The following PLXDC2 variants were observed in gnomAD, a reference collection of about 807,000 sequenced individuals.
PLXDC2 encodes the protein plexin domain-containing protein 2.
PLXDC2 carries 40 observed loss-of-function variants against 68.9 expected under a neutral mutation model. That is an observed-to-expected ratio of 0.58 (90% confidence interval 0.45 to 0.76). The LOEUF is 0.76. Ranked by LOEUF, PLXDC2 falls within the 30% of genes least tolerant of loss-of-function variation. The pLI, the probability that PLXDC2 is intolerant of heterozygous loss-of-function variation, is 0.00. For missense variants in PLXDC2, 644 were observed against 661.9 expected, an observed-to-expected ratio of 0.97 and a Z score of 0.30; for synonymous variants, 243 against 234.2, an observed-to-expected ratio of 1.04 and a Z score of -0.34.
chr10:20,000,078 T>C (rs1255966378), intron 1 of PLXDC2, among the ~76,000 whole-genome samples: 1 of 152,166 alleles, frequency 6.6e-6, no homozygotes, highest in Non-Finnish European at 1.5e-5. Context: ...TGTCAACAAT[T>C]CATTCGTCCA....
chr10:20,114,020 A>G (rs1313977590), intron 4 of PLXDC2, among the ~76,000 whole-genome samples: 1 of 152,178 alleles, frequency 6.6e-6, no homozygotes, highest in Non-Finnish European at 1.5e-5. Context: ...GCTACTCAGG[A>G]GGCTGAGGCA....
At chr10:19,894,764 A>G (rs961870873) in intron 1 of PLXDC2, among the ~76,000 whole-genome samples, 4 of 152,186 alleles carry the variant, frequency 2.6e-5, no homozygotes, top group African/African-American at 9.7e-5. Flanking sequence ...GGAGATCATT[A>G]AAAAGTCAGG....
intron 1 of PLXDC2, among the ~76,000 whole-genome samples, chr10:19,930,740 G>T (rs1195441863): frequency 6.6e-6 from 1 of 152,074 alleles, no homozygotes; most frequent in Admixed American, 6.6e-5. Context: ...AGGTGGGTGG[G>T]TCACCTGAGG....
At chr10:19,841,207 T>G (rs1362230468) in intron 1 of PLXDC2, among the ~76,000 whole-genome samples, 1 of 152,198 alleles carries the variant, frequency 6.6e-6, no homozygotes, top group Non-Finnish European at 1.5e-5. Flanking sequence ...TTTCTTAGAT[T>G]TGTTTTTATT....
rs2210492 is a variant in PLXDC2 at position 20,256,520 on chromosome 10, A to G, written c.1473+11015A>G. On this transcript the variant is annotated intron_variant, in intron 13 of 13. Coordinates refer to ENST00000377252, the MANE Select transcript of PLXDC2 (RefSeq NM_032812.9). The stretch of plus-strand genomic sequence containing the variant: ...GAGAAATGATATTTGCTTCGTAAAA[A>G]GAAGAAAATACTTTCTTTTACAAAA... Among the ~76,000 whole-genome samples the G allele has an allele frequency of 7.7e-4, 117 of 152,292 alleles. 1 individual carries two copies. Among genetic ancestry groups the G allele is most frequent in the Non-Finnish European group, 1.3e-3 (89 of 68,020 alleles).
At chr10:19,840,089 A>C (rs950411933) in intron 1 of PLXDC2, among the ~76,000 whole-genome samples, 3 of 152,168 alleles carry the variant, frequency 2.0e-5, no homozygotes, top group African/African-American at 7.2e-5. Flanking sequence ...TGATGCACTG[A>C]TGTCCTGTAG....
chr10:20,227,186 G>C (rs1419870832), intron 12 of PLXDC2, among the ~76,000 whole-genome samples: 1 of 152,054 alleles, frequency 6.6e-6, no homozygotes, highest in Non-Finnish European at 1.5e-5. Flanking sequence ...CAGGCCCATT[G>C]TTAGGTGATG....
chr10:19,884,008 T>C (rs563542282), intron 1 of PLXDC2, among the ~76,000 whole-genome samples: 109 of 147,770 alleles, frequency 7.4e-4, no homozygotes, highest in African/African-American at 2.6e-3. Flanking sequence ...GGTGATCCTC[T>C]CAGCCTCCAT....
chr10:20,144,133 T>G (rs1260555821), intron 5 of PLXDC2, among the ~76,000 whole-genome samples: 3 of 152,180 alleles, frequency 2.0e-5, no homozygotes. Context: ...AAATAAATTA[T>G]AGGTAACAAA....
intron 4 of PLXDC2, among the ~76,000 whole-genome samples, chr10:20,121,815 G>A (rs1833701022): frequency 6.6e-6 from 1 of 152,174 alleles, no homozygotes; most frequent in Admixed American, 6.5e-5. Flanking sequence ...TGGGGGAATT[G>A]TAAGGAGAGT....
At chr10:20,227,037 G>A (rs1223629536) in intron 12 of PLXDC2, among the ~76,000 whole-genome samples, 1 of 152,012 alleles carries the variant, frequency 6.6e-6, no homozygotes, top group Non-Finnish European at 1.5e-5. Context: ...TTTTTTAAAC[G>A]TGAAATGTCT....
intron 1 of PLXDC2, among the ~76,000 whole-genome samples, chr10:19,983,999 A>C (rs990712095): frequency 1.1e-4 from 16 of 152,214 alleles, no homozygotes; most frequent in Non-Finnish European, 2.1e-4. Context: ...CGTCAGTTTA[A>C]ATGTGTTACT....
intron 12 of PLXDC2, among the ~76,000 whole-genome samples, chr10:20,220,877 T>C (rs868388393): frequency 5.3e-4 from 79 of 149,848 alleles, no homozygotes; most frequent in African/African-American, 1.7e-3. Context: ...GTTTCACTTG[T>C]TGTTGCCCAG....
chr10:20,255,879 T>C (rs979005974), intron 13 of PLXDC2, among the ~76,000 whole-genome samples: 2 of 152,118 alleles, frequency 1.3e-5, no homozygotes, highest in African/African-American at 2.4e-5. Flanking sequence ...TATGATCTTG[T>C]GGTAATCCCT....
At chr10:19,875,955 AT>A (rs1330762286) in intron 1 of PLXDC2, among the ~76,000 whole-genome samples, 1 of 152,020 alleles carries the variant, frequency 6.6e-6, no homozygotes, top group Non-Finnish European at 1.5e-5. Flanking sequence ...TATTTCTGAA[AT>A]TTTTGTAACA....
intron 12 of PLXDC2, among the ~76,000 whole-genome samples, chr10:20,234,841 C>T (rs1588534424): frequency 1.3e-5 from 2 of 152,014 alleles, no homozygotes; most frequent in African/African-American, 4.8e-5. Flanking sequence ...GGTTCCAGTA[C>T]TGAGGCACTC....
intron 9 of PLXDC2, among the ~76,000 whole-genome samples, chr10:20,211,338 T>A (rs1588519865): frequency 6.6e-6 from 1 of 152,172 alleles, no homozygotes; most frequent in African/African-American, 2.4e-5. Context: ...AGAAAAAAAA[T>A]ACAAGGTAAA....
At chr10:20,118,920 CTTT>C (rs34396697) in intron 4 of PLXDC2, among the ~76,000 whole-genome samples, 9 of 139,918 alleles carry the variant, frequency 6.4e-5, no homozygotes, top group East Asian at 2.0e-4. Flanking sequence ...ACATTGAAGC[CTTT>C]TTTTTTTTTT....
chr10:20,275,593 A>G (rs1008411759), intron 13 of PLXDC2, among the ~76,000 whole-genome samples: 6 of 152,176 alleles, frequency 3.9e-5, no homozygotes, highest in African/African-American at 1.4e-4. Context: ...TTAGAAAACA[A>G]AAAGAGTCCA....
Sources: allele counts gnomAD v4.1 joint callset (sites outside exome capture counted in the v4.1 genomes callset), GRCh38; gene constraint gnomAD v4.1.1; transcripts MANE v1.5; gene names NCBI Gene and HGNC (gene_info 2026-07-23, HGNC 2026-07-21).